The following RNF168 variants were observed in gnomAD, a reference collection of about 807,000 sequenced individuals.
RNF168 encodes E3 ubiquitin-protein ligase RNF168.
RNF168 carries 34 observed loss-of-function variants against 34.9 expected under a neutral mutation model. That is an observed-to-expected ratio of 0.97 (90% CI 0.74 to 1.30). RNF168 has a LOEUF of 1.30. RNF168 is among the 50% of genes most tolerant of loss of function. RNF168 has a pLI of 0.00. For missense variants in RNF168, 725 were observed against 682.5 expected, an observed-to-expected ratio of 1.06 and a Z score of -0.69; for synonymous variants, 264 against 254.7, an observed-to-expected ratio of 1.04 and a Z score of -0.35.
intron 1 of RNF168, among the ~76,000 whole-genome samples, chr3:196,489,621 C>A (rs1432311190): frequency 6.6e-6 from 1 of 152,164 alleles, no homozygotes; most frequent in Admixed American, 6.5e-5. Context: ...GCCACCGTGC[C>A]CGGCTCCAGT....
chr3:196,473,972 G>T (rs1001183857), intron 5 of RNF168, among the ~76,000 whole-genome samples: 8 of 151,984 alleles, frequency 5.3e-5, no homozygotes, highest in African/African-American at 1.9e-4. Context: ...AGAAATAATT[G>T]ACCCTTACAG....
chr3:196,488,359 G>A lies in RNF168; in HGVS notation c.378+248C>T, dbSNP rs534782980. 2.8e-3 allele frequency among the ~76,000 whole-genome samples: 420 copies of A among 151,844 alleles called. 1 individual carries two copies. The highest frequency in any genetic ancestry group is 4.8e-3 in the Non-Finnish European group (327 of 67,858). The stretch of plus-strand genomic sequence containing the variant: ...TAGCCAGGCGTAGTGGCGGGCGCCT[G>A]TAGTCCCAGCTACTCGGGAGGCTGA... On this transcript the variant is annotated intron_variant, in intron 2 of 5. Transcript: ENST00000318037.
At chr3:196,494,587 G>A (rs950380348) in intron 1 of RNF168, among the ~76,000 whole-genome samples, 11 of 152,146 alleles carry the variant, frequency 7.2e-5, no homozygotes, top group African/African-American at 2.2e-4. Flanking sequence ...CCAATTAAAT[G>A]TGCATTCCTG....
chr3:196,485,593 T>C (rs923331434), intron 3 of RNF168, among the ~76,000 whole-genome samples: 4 of 152,178 alleles, frequency 2.6e-5, no homozygotes, highest in African/African-American at 7.2e-5. Flanking sequence ...CATTTATTAT[T>C]CCATTGGTCA....
At chr3:196,489,994 G>A (rs182488701) in intron 1 of RNF168, among the ~76,000 whole-genome samples, 1 of 152,168 alleles carries the variant, frequency 6.6e-6, no homozygotes, top group Non-Finnish European at 1.5e-5. Context: ...CTCTGCGATC[G>A]GGCAGTTAGG....
intron 4 of RNF168, among the ~76,000 whole-genome samples, chr3:196,483,217 C>G (rs1295450058): frequency 1.3e-5 from 2 of 152,014 alleles, no homozygotes; most frequent in Non-Finnish European, 2.9e-5. Flanking sequence ...GCACATATTT[C>G]CTCAGTTGAA....
At chr3:196,475,095 G>A in intron 5 of RNF168, 136 bp downstream of exon 5, 1 of 642,178 alleles carries the variant, frequency 1.6e-6, no homozygotes, top group Non-Finnish European at 2.8e-6. Context: ...TTTTCTCTAG[G>A]TGAGCCTAAG....
At chr3:196,474,961 G>A in intron 5 of RNF168, 3 of 433,908 alleles carry the variant, frequency 6.9e-6, no homozygotes, top group Non-Finnish European at 4.3e-6. Flanking sequence ...CAGCGTAGCT[G>A]AGAAGCTGTG....
intron 1 of RNF168, among the ~76,000 whole-genome samples, chr3:196,489,334 T>G (rs746308850): frequency 6.9e-4 from 103 of 150,086 alleles, no homozygotes; most frequent in Non-Finnish European, 1.4e-3. Context: ...AAAAAAATGT[T>G]TTTTTTTTTT....
intron 1 of RNF168, among the ~76,000 whole-genome samples, chr3:196,501,244 T>A (rs1429388189): frequency 6.6e-6 from 1 of 152,156 alleles, no homozygotes. Flanking sequence ...ACAAAAGAAC[T>A]GAACACAGGT....
Position 196,471,725 on chromosome 3 carries a change from G to A in RNF168, c.*94C>T, listed in dbSNP as rs1345038392. 8.2e-6 allele frequency: 7 copies of A among 849,570 alleles called. No homozygotes were observed. The highest frequency in any genetic ancestry group is 1.4e-5 in the Non-Finnish European group (7 of 494,978). 52.6% of individuals were successfully genotyped at this position (849,570 alleles called of 1,614,324 possible). On this transcript the variant is annotated 3_prime_UTR_variant, in exon 6 of 6. Coordinates refer to ENST00000318037, the MANE Select transcript of RNF168 (RefSeq NM_152617.4). ...TAAGGACAATGAGTGTGCCTAGAGA[G>A]CAGCATGAATGACACATGGATGAAG... is the stretch of plus-strand genomic sequence containing the variant.
chr3:196,499,488 T>C (rs1210025251), intron 1 of RNF168, among the ~76,000 whole-genome samples: 1 of 151,980 alleles, frequency 6.6e-6, no homozygotes, highest in Admixed American at 6.5e-5. Context: ...ATTCCATTTA[T>C]ATGAAGTTCC....
At chr3:196,478,628 T>C (rs1417393966) in intron 4 of RNF168, among the ~76,000 whole-genome samples, 1 of 152,150 alleles carries the variant, frequency 6.6e-6, no homozygotes, top group Non-Finnish European at 1.5e-5. Context: ...AAAATATGAT[T>C]TCTATGAAAT....
intron 3 of RNF168, among the ~76,000 whole-genome samples, chr3:196,486,105 G>C (rs570688585): frequency 2.0e-5 from 3 of 152,002 alleles, no homozygotes; most frequent in Non-Finnish European, 4.4e-5. Context: ...TTTTCTTACA[G>C]GCAGCAATTT....
chr3:196,484,764 C>G (rs1732384391), intron 3 of RNF168, among the ~76,000 whole-genome samples: 1 of 151,924 alleles, frequency 6.6e-6, no homozygotes, highest in Non-Finnish European at 1.5e-5. Flanking sequence ...GGCAATCCTC[C>G]CATCTTAGCT....
chr3:196,480,687 G>A (rs1471623801), intron 4 of RNF168, among the ~76,000 whole-genome samples: 1 of 152,162 alleles, frequency 6.6e-6, no homozygotes, highest in East Asian at 1.9e-4. Flanking sequence ...CTGTTGCCCA[G>A]GCTGGAGTGC....
At chr3:196,482,904 T>C (rs1263694207) in intron 4 of RNF168, among the ~76,000 whole-genome samples, 1 of 152,176 alleles carries the variant, frequency 6.6e-6, no homozygotes, top group East Asian at 1.9e-4. Flanking sequence ...TGCTTTTAAA[T>C]CCTTAGTTTT....
chr3:196,488,481 CAAA>C, intron 2 of RNF168, 123 bp downstream of exon 2: 1 of 486,306 alleles, frequency 2.1e-6, no homozygotes, highest in Non-Finnish European at 3.7e-6. Flanking sequence ...GACTCCATCT[CAAA>C]AAAAAAAAAT....
chr3:196,499,505 GA>G (rs138716643), intron 1 of RNF168, among the ~76,000 whole-genome samples: 2,866 of 152,218 alleles, frequency 0.019, 106 homozygotes, highest in African/African-American at 0.066. Context: ...TTCCAGAACA[GA>G]AAAAACTCAT....
Sources: gnomAD v4.1 joint callset for allele counts (sites outside exome capture counted in the v4.1 genomes callset) on GRCh38, gnomAD v4.1.1 for gene constraint, MANE v1.5 for transcripts, NCBI Gene and HGNC (gene_info 2026-07-23, HGNC 2026-07-21) for gene names.